The following SYT1 variants were observed in gnomAD, a reference collection of about 807,000 sequenced individuals.
SYT1 encodes synaptotagmin 1, also known as synaptotagmin-1.
SYT1 carries 8 observed loss-of-function variants against 44.8 expected under a neutral mutation model. That is an observed-to-expected ratio of 0.18 (90% confidence interval 0.10 to 0.32). The LOEUF (loss-of-function observed/expected upper bound fraction) is 0.32. SYT1 is among the 10% of genes least tolerant of loss of function. SYT1 has a pLI of 1.00. For synonymous variants in SYT1, 154 were observed against 188.8 expected, an observed-to-expected ratio of 0.82 and a Z score of 1.51; for missense variants, 286 against 509.3, an observed-to-expected ratio of 0.56 and a Z score of 4.22.
At chr12:78,899,758 T>C (rs1312517289) in intron 1 of SYT1, among the ~76,000 whole-genome samples, 1 of 152,064 alleles carries the variant, frequency 6.6e-6, no homozygotes, top group East Asian at 1.9e-4. Context: ...TGAAAACTTT[T>C]TCTCTAATAC....
At chr12:79,104,977 C>G (rs1453037615) in intron 3 of SYT1, among the ~76,000 whole-genome samples, 1 of 151,906 alleles carries the variant, frequency 6.6e-6, no homozygotes. Flanking sequence ...ATAACTAGAA[C>G]AAAACGGCGG....
At chr12:79,130,919 C>T (rs12305292) in intron 3 of SYT1, among the ~76,000 whole-genome samples, 21,015 of 151,902 alleles carry the variant, frequency 0.14, 1,498 homozygotes, top group South Asian at 0.18. Context: ...CAAATAAACA[C>T]TATAATAGTG....
intron 2 of SYT1, among the ~76,000 whole-genome samples, chr12:78,978,944 C>T (rs961274900): frequency 6.6e-6 from 1 of 152,104 alleles, no homozygotes; most frequent in Non-Finnish European, 1.5e-5. Context: ...TACGCTTATG[C>T]GATACTGGAT....
chr12:79,266,559 G>T (rs1039157936), intron 4 of SYT1, among the ~76,000 whole-genome samples: 1 of 151,988 alleles, frequency 6.6e-6, no homozygotes, highest in Non-Finnish European at 1.5e-5. Context: ...GATGGTAAAA[G>T]AAAAAAATCA....
chr12:78,978,392 T>C (rs1164443387), intron 2 of SYT1, among the ~76,000 whole-genome samples: 1 of 152,208 alleles, frequency 6.6e-6, no homozygotes, highest in Admixed American at 6.5e-5. Context: ...GCAGAATTTG[T>C]CTCAGACTGA....
intron 3 of SYT1, among the ~76,000 whole-genome samples, chr12:79,060,870 T>C (rs1875330786): frequency 6.6e-6 from 1 of 151,992 alleles, no homozygotes; most frequent in South Asian, 2.1e-4. Flanking sequence ...GGAAAACTAG[T>C]TCAGTTTAGG....
At chr12:79,352,445 T>G (rs1439561731) in intron 8 of SYT1, among the ~76,000 whole-genome samples, 2 of 152,172 alleles carry the variant, frequency 1.3e-5, no homozygotes, top group East Asian at 3.9e-4. Context: ...GAATTCACAT[T>G]TTATTGTGGG....
chr12:79,213,493 G>T (rs918402463), intron 3 of SYT1, among the ~76,000 whole-genome samples: 2 of 152,120 alleles, frequency 1.3e-5, no homozygotes, highest in African/African-American at 4.8e-5. Context: ...AATTATTAAC[G>T]AGAATAATAT....
Position 79,292,501 on chromosome 12 carries a change from G to A in SYT1, c.474+371G>A, listed in dbSNP as rs138852004. Among the ~76,000 whole-genome samples the A allele has an allele frequency of 1.3e-3, 195 of 152,260 alleles. 4 individuals carry two copies. The highest frequency in any genetic ancestry group is 4.5e-3 in the African/African-American group (185 of 41,546). ...ACTTTACAGATTTAGAACTAGACAG[G>A]GCTAGGGGCCTTTTGAGTTGGGCCG... On this transcript the variant is annotated intron_variant, in intron 6 of 10. Coordinates refer to ENST00000261205, the MANE Select transcript of SYT1 (RefSeq NM_005639.3).
intron 4 of SYT1, among the ~76,000 whole-genome samples, chr12:79,218,382 G>A (rs1317368534): frequency 6.6e-6 from 1 of 152,194 alleles, no homozygotes; most frequent in Non-Finnish European, 1.5e-5. Context: ...TTATGCATAT[G>A]TCAGTTAGCA....
chr12:79,273,512 G>T (rs557790675), intron 4 of SYT1, among the ~76,000 whole-genome samples: 1 of 152,128 alleles, frequency 6.6e-6, no homozygotes, highest in African/African-American at 2.4e-5. Context: ...GCAGAAAACT[G>T]TGAGTCTCCA....
intron 8 of SYT1, among the ~76,000 whole-genome samples, chr12:79,303,206 A>G (rs1411623949): frequency 1.3e-5 from 2 of 152,096 alleles, no homozygotes; most frequent in Admixed American, 1.3e-4. Flanking sequence ...CTTCTTATAA[A>G]TTTCACTTAT....
intron 4 of SYT1, among the ~76,000 whole-genome samples, chr12:79,256,546 T>C (rs372309921): frequency 1.3e-5 from 2 of 152,178 alleles, no homozygotes; most frequent in Admixed American, 6.6e-5. Context: ...ATGAGTTCTA[T>C]TGAATATTTT....
chr12:79,437,438 A>G (rs1368897873), intron 9 of SYT1, among the ~76,000 whole-genome samples: 2 of 152,172 alleles, frequency 1.3e-5, no homozygotes, highest in Admixed American at 6.5e-5. Flanking sequence ...TTTTAGGTCT[A>G]CGAGGTTGGA....
At chr12:79,365,875 C>G (rs889392088) in intron 9 of SYT1, among the ~76,000 whole-genome samples, 3 of 142,530 alleles carry the variant, frequency 2.1e-5, no homozygotes, top group Admixed American at 2.1e-4. Flanking sequence ...TGTAGATTTT[C>G]ATATTTTCAT....
At chr12:79,285,606 G>A (rs2138828382) in intron 4 of SYT1, among the ~76,000 whole-genome samples, 181 bp from the exon 5 acceptor site, 1 of 152,274 alleles carries the variant, frequency 6.6e-6, no homozygotes, top group South Asian at 2.1e-4. Context: ...GGGAAAGAAA[G>A]GAAACAATAC....
intron 4 of SYT1, among the ~76,000 whole-genome samples, chr12:79,279,651 C>A (rs1413602085): frequency 6.6e-6 from 1 of 151,980 alleles, no homozygotes; most frequent in Non-Finnish European, 1.5e-5. Flanking sequence ...GAGGTCTTAG[C>A]CAGAACAATC....
At chr12:79,217,394 C>T (rs1041613197) in intron 3 of SYT1, 109 bp from the exon 4 acceptor site, 15 of 885,154 alleles carry the variant, frequency 1.7e-5, no homozygotes, top group Non-Finnish European at 2.2e-5. Flanking sequence ...GACTATTTAC[C>T]CAGTGAGCAG....
At chr12:78,932,770 T>G (rs988196779) in intron 1 of SYT1, among the ~76,000 whole-genome samples, 3 of 152,168 alleles carry the variant, frequency 2.0e-5, no homozygotes, top group African/African-American at 7.2e-5. Flanking sequence ...AAATCAAAGC[T>G]TATATAGTAT....
Sources: gnomAD v4.1 joint callset for allele counts (sites outside exome capture counted in the v4.1 genomes callset) on GRCh38, gnomAD v4.1.1 for gene constraint, MANE v1.5 for transcripts, NCBI Gene and HGNC (gene_info 2026-07-23, HGNC 2026-07-21) for gene names.